The following FHDC1 variants were observed in gnomAD, a reference collection of about 807,000 sequenced individuals.
FHDC1 encodes FH2 domain-containing protein 1.
Under a neutral mutation model 52.6 loss-of-function variants are expected in FHDC1, and 25 were observed. The ratio of observed to expected loss-of-function variants is 0.48; its 90% CI spans 0.35 to 0.66. FHDC1 has a LOEUF of 0.66. Among genes scored for constraint, FHDC1 ranks in the 30% least tolerant of loss-of-function variants. The probability of loss-of-function intolerance (pLI) is 0.01; values close to 1 mark genes in which losing one functional copy is unlikely to be tolerated. For missense variants in FHDC1, 1,459 were observed against 1,452.8 expected (o/e 1.00, Z -0.07); for synonymous variants, 616 against 581.5 (o/e 1.06, Z -0.85).
the FHDC1 span, among the ~76,000 whole-genome samples, chr4:152,926,445 G>A: frequency 8.6e-5 from 13 of 151,184 alleles, no homozygotes; most frequent in African/African-American, 3.2e-4. Flanking sequence ...AAAGTTACAC[G>A]AATACCAAAC....
At chr4:152,927,568 AG>A in the FHDC1 span, 2 of 1,578,680 alleles carry the variant, frequency 1.3e-6, no homozygotes, top group Non-Finnish European at 1.7e-6. Context: ...CTGAAGATTC[AG>A]AAGAATGTCC....
chr4:152,953,702 C>A, intron 3 of FHDC1, 142 bp downstream of exon 3: 1 of 713,996 alleles, frequency 1.4e-6, no homozygotes. Context: ...CTGCAAGTGA[C>A]TGTCACTTTC....
chr4:152,962,521 T>C (rs1740309820), intron 6 of FHDC1, among the ~76,000 whole-genome samples: 1 of 152,240 alleles, frequency 6.6e-6, no homozygotes, highest in Non-Finnish European at 1.5e-5. Context: ...CTGCTTTGCA[T>C]TAGGCTTTTG....
intron 4 of FHDC1, among the ~76,000 whole-genome samples, chr4:152,959,996 G>C (rs997862461): frequency 6.6e-6 from 1 of 152,034 alleles, no homozygotes; most frequent in Non-Finnish European, 1.5e-5. Context: ...GAGCAGATGC[G>C]TACTCACCTG....
the FHDC1 span, chr4:152,928,147 C>G: frequency 1.2e-6 from 1 of 846,788 alleles, no homozygotes; most frequent in South Asian, 1.3e-5. Flanking sequence ...AAGGCACCAT[C>G]AATGCCACCG....
intron 2 of FHDC1, among the ~76,000 whole-genome samples, chr4:152,951,208 G>T (rs1739915974): frequency 6.6e-6 from 1 of 152,226 alleles, no homozygotes; most frequent in Admixed American, 6.5e-5. Flanking sequence ...AACGTGCTGT[G>T]TAACTATATC....
At chr4:152,974,527 C>T (rs1209595758) in intron 11 of FHDC1, 148 bp from the exon 12 acceptor site, 1 of 1,232,432 alleles carries the variant, frequency 8.1e-7, no homozygotes, top group Non-Finnish European at 1.1e-6. Context: ...TGCATGTGCA[C>T]ACACACAGCC....
chr4:152,975,584 A>T lies in FHDC1; in HGVS notation c.2293A>T (p.Lys765Ter). The T allele has an allele frequency of 6.2e-7, 1 of 1,613,622 alleles. No homozygotes were observed. The highest frequency in any genetic ancestry group is 8.5e-7 in the Non-Finnish European group (1 of 1,180,014). Residue 765 changes from lysine to a stop codon, truncating the protein, a stop_gained, in exon 12 of 12, where the codon AAA becomes TAA. Transcript: ENST00000511601. LOFTEE classifies it low-confidence loss of function (END_TRUNC). ...TGTGGGTAGCAGCGACCCTGAGAAC[A>T]AAGATCCTAGACCTCTGTTCTGCAT... is the stretch of plus-strand genomic sequence containing the variant. ...GSVGSSDPEN[K>*]DPRPLFCISD...
Position 152,968,019 on chromosome 4 carries a change from G to A in FHDC1, c.1140G>A (p.Leu380=). The change falls in exon 10 of 12, where the codon CTG becomes CTA. Residue 380 remains leucine (L), a synonymous_variant. Coordinates refer to ENST00000511601, the MANE Select transcript of FHDC1 (RefSeq NM_001371116.1). ...LENTEAELHL[L]FVRTKSLKEN... is the part of the protein sequence containing the mutation. Reference sequence around the variant, plus strand: ...ACACGGAGGCAGAACTGCACTTGCTGTTTGTCAGGACAAAATCACTAAAAG... The same window carrying A: ...ACACGGAGGCAGAACTGCACTTGCTATTTGTCAGGACAAAATCACTAAAAG... The A allele has an allele frequency of 6.2e-7, 1 of 1,613,886 alleles. No individual in the cohort carries two copies. Among genetic ancestry groups the A allele is most frequent in the Non-Finnish European group, 8.5e-7 (1 of 1,179,892 alleles).
the FHDC1 span, among the ~76,000 whole-genome samples, chr4:152,921,654 GT>G: frequency 2.9e-5 from 4 of 136,716 alleles, no homozygotes; most frequent in Non-Finnish European, 6.2e-5. Context: ...ATAACTCAGA[GT>G]TTAGCTGTTT....
At chr4:152,950,922 A>G (rs1739907011) in intron 2 of FHDC1, among the ~76,000 whole-genome samples, 1 of 152,224 alleles carries the variant, frequency 6.6e-6, no homozygotes, top group African/African-American at 2.4e-5. Context: ...TTATAAAATG[A>G]TGTCTATGAG....
chr4:152,911,504 C>CTATCAGTAGTGTA, the FHDC1 span: 1 of 152,382 alleles, frequency 6.6e-6, no homozygotes, highest in African/African-American at 2.4e-5. Context: ...CTACATGGTT[C>CTATCAGTAGTGTA]TATCAGTAGT....
rs138008286 is a variant in FHDC1 at position 152,975,658 on chromosome 4, C to A, written c.2367C>A (p.Thr789=). 1 of 1,613,350 alleles carries A rather than the reference C, an allele frequency of 6.2e-7. No homozygotes were observed. The highest frequency in any genetic ancestry group is 8.5e-7 in the Non-Finnish European group (1 of 1,179,882). The change falls in exon 12 of 12, where the codon ACC becomes ACA. Residue 789 remains threonine (T), a synonymous_variant. Transcript: ENST00000511601. ...TGACCCTGGACTGCTCAGAGGGAAC[C>A]GACTCCAGACCCAGAGGCGGGGACC... ...CSLTLDCSEG[T]DSRPRGGDPE... is the part of the protein sequence containing the mutation.
Position 152,974,949 on chromosome 4 carries a change from C to T in FHDC1, c.1658C>T (p.Thr553Ile), listed in dbSNP as rs377602004. The change falls in exon 12 of 12, where the codon ACC becomes ATC. Residue 553 changes from threonine to isoleucine, a missense_variant. Transcript: ENST00000511601. ...CCCTCTGCTGACCGGGAGCTGCTGA[C>T]CTTCTTGGAGAGCTCCACCGGCAGC... is the stretch of plus-strand genomic sequence containing the variant. Reference protein sequence around the residue: ...LGPSADRELLTFLESSTGSPE... With the variant: ...LGPSADRELLIFLESSTGSPE... 1.5e-5 allele frequency: 24 copies of T among 1,612,436 alleles called. No homozygotes were observed. Among genetic ancestry groups the T allele is most frequent in the Non-Finnish European group, 1.9e-5 (23 of 1,179,872 alleles).
chr4:152,974,206 T>C (rs551792067), intron 11 of FHDC1, among the ~76,000 whole-genome samples: 2 of 152,360 alleles, frequency 1.3e-5, no homozygotes, highest in Admixed American at 6.5e-5. Flanking sequence ...GCTCGCTCTT[T>C]AAATACCCAC....
In FHDC1 at chr4:152,976,458, A is replaced by C. The variant is rs1165927445; in HGVS notation, c.3167A>C (p.Lys1056Thr). The stretch of plus-strand genomic sequence containing the variant: ...AGAACAGATCTTCCTCCCGTGGCCA[A>C]AGCCCCCGGCATCACTCGGACAGTG... ...SMRTDLPPVA[K>T]APGITRTVSQ... Residue 1056 changes from lysine to threonine, a missense_variant, in exon 12 of 12, where the codon AAA becomes ACA. Lys to Thr is a moderately conservative substitution (Grantham distance 78). Around this residue, in one of 3 missense-constraint regions of FHDC1, gnomAD observed 939 missense variants for 854.5 expected, o/e 1.10. Transcript: ENST00000511601. 1 of 1,613,606 alleles carries C rather than the reference A, an allele frequency of 6.2e-7. No homozygotes were observed. Among genetic ancestry groups the C allele is most frequent in the Non-Finnish European group, 8.5e-7 (1 of 1,180,018 alleles).
intron 2 of FHDC1, 76 bp from the exon 3 acceptor site, chr4:152,953,423 G>T: frequency 1.7e-6 from 2 of 1,169,070 alleles, no homozygotes; most frequent in South Asian, 2.6e-5. Context: ...CATTTTGATC[G>T]GTTTTAATTA....
the FHDC1 span, among the ~76,000 whole-genome samples, chr4:152,923,521 A>T: frequency 6.6e-6 from 1 of 152,266 alleles, no homozygotes; most frequent in African/African-American, 2.4e-5. Flanking sequence ...TAAAGTTCAT[A>T]TGGAACCAAA....
the FHDC1 span, among the ~76,000 whole-genome samples, chr4:152,916,142 A>T: frequency 2.8e-4 from 6 of 21,336 alleles, 1 homozygote; most frequent in South Asian, 9.2e-3. Context: ...ATCACAAAAG[A>T]AAAAAAAAAT....
Sources: gnomAD v4.1 joint callset for allele counts (sites outside exome capture counted in the v4.1 genomes callset) on GRCh38, gnomAD v4.1.1 for gene constraint, gnomAD v4.1.1 regional missense constraint, MANE v1.5 for transcripts, NCBI Gene and HGNC (gene_info 2026-07-23, HGNC 2026-07-21) for gene names.